The following NME8 variants were observed in gnomAD, a reference collection of about 807,000 sequenced individuals.
NME8 encodes protein NME8.
NME8 carries 72 observed loss-of-function variants against 82.3 expected under a neutral mutation model. The observed-to-expected ratio is 0.87, with a 90% confidence interval of 0.72 to 1.06. The LOEUF is 1.06. NME8 is among the 50% of genes least tolerant of loss of function. The pLI is 0.00. For missense variants in NME8, 712 were observed against 685.4 expected, an observed-to-expected ratio of 1.04 and a Z score of -0.43; for synonymous variants, 267 against 228.5, an observed-to-expected ratio of 1.17 and a Z score of -1.52.
intron 12 of NME8, among the ~76,000 whole-genome samples, chr7:37,882,606 A>AGAGAGG (rs1562838308): frequency 5.3e-4 from 28 of 52,654 alleles, no homozygotes; most frequent in South Asian, 1.9e-3. Flanking sequence ...AAAGAGAGAG[A>AGAGAGG]GAGAGAGAGA....
chr7:37,882,577 AAG>A (rs370611207), intron 12 of NME8, among the ~76,000 whole-genome samples: 5 of 46,362 alleles, frequency 1.1e-4, no homozygotes, highest in African/African-American at 4.1e-4. Flanking sequence ...GAAAGAAAGA[AAG>A]AAAGAAAGAA....
At chr7:37,858,944 A>G (rs1165547535) in intron 6 of NME8, among the ~76,000 whole-genome samples, 2 of 151,998 alleles carry the variant, frequency 1.3e-5, no homozygotes, top group Non-Finnish European at 2.9e-5. Context: ...TTACTTAAAG[A>G]GCTTGGCACT....
intron 11 of NME8, among the ~76,000 whole-genome samples, chr7:37,870,431 A>C (rs2131954535): frequency 6.6e-6 from 1 of 151,870 alleles, no homozygotes; most frequent in Non-Finnish European, 1.5e-5. Context: ...TCGACTAAAA[A>C]CACAAAAATT....
intron 11 of NME8, among the ~76,000 whole-genome samples, chr7:37,874,518 T>G (rs1437592982): frequency 1.3e-5 from 2 of 152,026 alleles, no homozygotes; most frequent in East Asian, 3.9e-4. Flanking sequence ...ACAGTAAACA[T>G]TAATGCAGTG....
At chr7:37,868,169 A>G (rs917520885) in intron 11 of NME8, among the ~76,000 whole-genome samples, 3 of 152,156 alleles carry the variant, frequency 2.0e-5, no homozygotes, top group African/African-American at 4.8e-5. Context: ...GTTTTGTTAG[A>G]TAGAAAGAGC....
intron 11 of NME8, among the ~76,000 whole-genome samples, chr7:37,868,309 AG>A (rs1341356425): frequency 1.3e-5 from 2 of 152,220 alleles, no homozygotes; most frequent in African/African-American, 2.4e-5. Context: ...TTAGCCACAC[AG>A]GTCATGATAA....
At chr7:37,877,962 C>T (rs1784883004) in intron 12 of NME8, among the ~76,000 whole-genome samples, 2 of 152,118 alleles carry the variant, frequency 1.3e-5, no homozygotes, top group Non-Finnish European at 2.9e-5. Flanking sequence ...ATCTGTATGC[C>T]TTTTATTTCT....
At chr7:37,850,334 G>A in intron 3 of NME8, 35 bp downstream of exon 3, 4 of 1,613,986 alleles carry the variant, frequency 2.5e-6, no homozygotes, top group Non-Finnish European at 3.4e-6. Flanking sequence ...TTTATCTGGT[G>A]CACTAGTGCT....
intron 12 of NME8, 73 bp from the exon 13 acceptor site, chr7:37,884,230 A>G: frequency 7.7e-6 from 8 of 1,043,476 alleles, no homozygotes; most frequent in Non-Finnish European, 1.2e-5. Flanking sequence ...CCCTCATGAT[A>G]GTATATTATG....
At chr7:37,888,532 A>G (rs370283245) in intron 15 of NME8, 104 bp downstream of exon 15, 24 of 1,143,556 alleles carry the variant, frequency 2.1e-5, no homozygotes, top group East Asian at 7.7e-5. Context: ...AGAAAATTCC[A>G]AAAAAGAAAA....
chr7:37,850,742 ATT>A lies in NME8; in HGVS notation c.198+10_198+11del. On this transcript the variant is annotated splice_region_variant and intron_variant, in intron 5 of 17. Coordinates refer to ENST00000199447, the MANE Select transcript of NME8 (RefSeq NM_016616.5). Reference sequence around the variant, plus strand: ...AATTCTGCATTTTGCTGTCGTAAGAATTTTGTTTTCATTAAACCACTGTTTTC... The same window carrying A: ...AATTCTGCATTTTGCTGTCGTAAGAATTGTTTTCATTAAACCACTGTTTTC... 6.3e-7 allele frequency: 1 copy of A among 1,594,150 alleles called. No individual in the cohort carries two copies. Among genetic ancestry groups the A allele is most frequent in the African/African-American group, 1.3e-5 (1 of 74,552 alleles).
At chr7:37,890,333 C>T (rs749239270) in intron 15 of NME8, among the ~76,000 whole-genome samples, 3 of 151,816 alleles carry the variant, frequency 2.0e-5, no homozygotes, top group Non-Finnish European at 2.9e-5. Context: ...CATAATTGTC[C>T]ATATTCATGG....
intron 16 of NME8, 193 bp from the exon 17 acceptor site, chr7:37,896,677 A>G: frequency 5.0e-6 from 3 of 604,022 alleles, no homozygotes; most frequent in South Asian, 4.0e-5. Context: ...GAATTAAATT[A>G]TAGCACCCAC....
intron 11 of NME8, among the ~76,000 whole-genome samples, chr7:37,869,159 C>A (rs557727431): frequency 6.6e-6 from 1 of 152,112 alleles, no homozygotes; most frequent in Non-Finnish European, 1.5e-5. Context: ...TTCTTGGGTG[C>A]CTACCTCTGT....
intron 13 of NME8, among the ~76,000 whole-genome samples, chr7:37,884,937 C>T (rs1785017890): frequency 6.6e-6 from 1 of 152,156 alleles, no homozygotes; most frequent in Admixed American, 6.6e-5. Flanking sequence ...ATGGCACTCC[C>T]CTTCCCTTCC....
intron 11 of NME8, among the ~76,000 whole-genome samples, chr7:37,872,625 T>G (rs1433043095): frequency 6.6e-6 from 1 of 152,186 alleles, no homozygotes; most frequent in Non-Finnish European, 1.5e-5. Context: ...AGACTCAAAT[T>G]AATGACATGG....
intron 12 of NME8, among the ~76,000 whole-genome samples, chr7:37,882,081 T>C (rs1784955046): frequency 6.6e-6 from 1 of 152,214 alleles, no homozygotes; most frequent in Non-Finnish European, 1.5e-5. Context: ...TTATTTTTGC[T>C]CAATTGTTTT....
At chr7:37,878,790 GC>G (rs1418108043) in intron 12 of NME8, among the ~76,000 whole-genome samples, 1 of 152,054 alleles carries the variant, frequency 6.6e-6, no homozygotes, top group African/African-American at 2.4e-5. Flanking sequence ...CCATATACCT[GC>G]TCCCTCCCAC....
At chr7:37,864,216 A>G (rs1784639962) in intron 8 of NME8, 132 bp from the exon 9 acceptor site, 4 of 1,124,530 alleles carry the variant, frequency 3.6e-6, no homozygotes, top group Admixed American at 2.2e-5. Context: ...ATGCCGTAGT[A>G]AGATACACAG....
Sources: allele counts gnomAD v4.1 joint callset (sites outside exome capture counted in the v4.1 genomes callset), GRCh38; gene constraint gnomAD v4.1.1; transcripts MANE v1.5; gene names NCBI Gene and HGNC (gene_info 2026-07-23, HGNC 2026-07-21).